Variants in PDGFC observed in about 807,000 individuals in gnomAD.
PDGFC encodes the protein platelet-derived growth factor C.
PDGFC carries 12 observed loss-of-function variants against 35.5 expected under a neutral mutation model. The observed-to-expected ratio is 0.34, with a 90% CI of 0.22 to 0.55. PDGFC has a LOEUF of 0.55. Ranked by LOEUF, PDGFC falls within the 20% of genes least tolerant of loss-of-function variation. The probability of loss-of-function intolerance (pLI) is 0.91; values close to 1 mark genes in which losing one functional copy is unlikely to be tolerated. For missense variants in PDGFC, 322 were observed against 412.4 expected (o/e 0.78, Z 1.90); for synonymous variants, 159 against 148.8 (o/e 1.07, Z -0.50).
At chr4:156,927,178 G>A (rs1731434869) in intron 1 of PDGFC, among the ~76,000 whole-genome samples, 1 of 152,112 alleles carries the variant, frequency 6.6e-6, no homozygotes, top group African/African-American at 2.4e-5. Context: ...TCCCTAGGCT[G>A]CACACAGCAG....
intron 1 of PDGFC, among the ~76,000 whole-genome samples, chr4:156,861,070 A>G (rs1729699184): frequency 6.6e-6 from 1 of 152,174 alleles, no homozygotes; most frequent in Non-Finnish European, 1.5e-5. Flanking sequence ...GGTAATAAAA[A>G]TAATTTGCCA....
In PDGFC at chr4:156,929,481, T is replaced by TA. The variant is rs1275436259; in HGVS notation, c.118+41304dup. Among the ~76,000 whole-genome samples the TA allele has an allele frequency of 5.6e-5, 8 of 143,034 alleles. No homozygotes were observed. In the East Asian group the frequency reaches 1.0e-3, roughly 18 times the overall value. The allele number at this position is 143,034 out of a possible 152,430, so 93.8% of individuals were successfully genotyped here. On this transcript the variant is annotated intron_variant, in intron 1 of 5. Transcript: ENST00000502773. ...CGTAGCAAAAAAAAAAAAAGGCCAATAAAAAAAACAGAACTACTCTCCGTT... is the reference window on the plus strand; with the variant it reads ...CGTAGCAAAAAAAAAAAAAGGCCAATAAAAAAAAACAGAACTACTCTCCGTT...
At chr4:156,800,217 T>C (rs1213242904) in intron 3 of PDGFC, among the ~76,000 whole-genome samples, 1 of 152,158 alleles carries the variant, frequency 6.6e-6, no homozygotes, top group Non-Finnish European at 1.5e-5. Flanking sequence ...TAATCTATGT[T>C]CATTCTCTTT....
At position 156,763,155 on chromosome 4, in the gene PDGFC, T is replaced by A. The variant is rs1271394599; in HGVS notation, c.973A>T (p.Thr325Ser). 6.2e-7 allele frequency: 1 copy of A among 1,613,302 alleles called. No individual in the cohort carries two copies. The highest frequency in any genetic ancestry group is 1.1e-5 in the South Asian group (1 of 91,052). ...TGVRGLHKSL[T>S]DVALEHHEEC... is the part of the protein sequence containing the mutation. The stretch of plus-strand genomic sequence containing the variant: ...TCATGGTGCTCCAGGGCCACGTCGG[T>A]GAGTGATTTGTGCAATCCCCTGACA... The change falls in exon 6 of 6, where the codon ACC (threonine) becomes TCC (serine). Residue 325 changes from threonine (T) to serine (S), a missense_variant. Around this residue, in one of 2 missense-constraint regions of PDGFC, gnomAD observed 202 missense variants for 295.9 expected, o/e 0.68. Coordinates refer to ENST00000502773, the MANE Select transcript of PDGFC (RefSeq NM_016205.3).
At chr4:156,862,579 C>G (rs1729738490) in intron 1 of PDGFC, among the ~76,000 whole-genome samples, 2 of 152,108 alleles carry the variant, frequency 1.3e-5, no homozygotes, top group South Asian at 4.2e-4. Context: ...ACACAACACA[C>G]TTTCAGAGAA....
chr4:156,950,184 T>C (rs1309165496), intron 1 of PDGFC, among the ~76,000 whole-genome samples: 1 of 151,922 alleles, frequency 6.6e-6, no homozygotes, highest in East Asian at 1.9e-4. Flanking sequence ...TCCAGTTATC[T>C]GCCGAAAAGT....
chr4:156,947,429 T>C (rs533366404), intron 1 of PDGFC, among the ~76,000 whole-genome samples: 2 of 152,140 alleles, frequency 1.3e-5, no homozygotes, highest in South Asian at 4.1e-4. Context: ...CAGACAGTAG[T>C]TTTCATTTGA....
chr4:156,847,125 C>T (rs1473587934), intron 2 of PDGFC, among the ~76,000 whole-genome samples: 4 of 151,542 alleles, frequency 2.6e-5, no homozygotes, highest in Non-Finnish European at 5.9e-5. Context: ...TGCATATACC[C>T]TTTAGGAGGT....
intron 1 of PDGFC, among the ~76,000 whole-genome samples, chr4:156,941,857 A>T (rs191105921): frequency 2.2e-3 from 342 of 152,232 alleles, no homozygotes; most frequent in African/African-American, 7.9e-3. Flanking sequence ...CTATTTTGCA[A>T]GAAGAGCCTG....
intron 2 of PDGFC, among the ~76,000 whole-genome samples, chr4:156,833,688 T>C (rs1728997413): frequency 6.6e-6 from 1 of 152,246 alleles, no homozygotes; most frequent in African/African-American, 2.4e-5. Context: ...GTGATAATTT[T>C]ATTCTTATAT....
intron 1 of PDGFC, among the ~76,000 whole-genome samples, chr4:156,901,622 T>TA (rs1730788137): frequency 6.6e-6 from 1 of 151,456 alleles, no homozygotes; most frequent in African/African-American, 2.4e-5. Flanking sequence ...TTATTATTAT[T>TA]TTACTTTTTA....
chr4:156,929,981 A>C (rs968947544), intron 1 of PDGFC, among the ~76,000 whole-genome samples: 2 of 152,242 alleles, frequency 1.3e-5, no homozygotes, highest in Non-Finnish European at 2.9e-5. Context: ...CAGATGTTAC[A>C]ACACCAAATG....
chr4:156,889,635 C>G lies in PDGFC; in HGVS notation c.119-39219G>C, dbSNP rs144242777. 1.9e-3 allele frequency among the ~76,000 whole-genome samples: 295 copies of G among 152,274 alleles called. 1 individual carries two copies. The highest frequency in any genetic ancestry group is 6.8e-3 in the African/African-American group (283 of 41,544). On this transcript the variant is annotated intron_variant, in intron 1 of 5. Coordinates refer to ENST00000502773, the MANE Select transcript of PDGFC (RefSeq NM_016205.3). Reference sequence around the variant, plus strand: ...TGTCATGGGTATTAAGCTCTTAGATCAACAGAACTCCACTCCACACAATTC... The same window carrying G: ...TGTCATGGGTATTAAGCTCTTAGATGAACAGAACTCCACTCCACACAATTC...
At chr4:156,802,405 A>G (rs2110918713) in intron 3 of PDGFC, among the ~76,000 whole-genome samples, 1 of 152,246 alleles carries the variant, frequency 6.6e-6, no homozygotes, top group African/African-American at 2.4e-5. Flanking sequence ...ATAAAGGAAC[A>G]ATAAAAGAAT....
chr4:156,811,430 G>T (rs1289350594), intron 2 of PDGFC, among the ~76,000 whole-genome samples: 1 of 151,894 alleles, frequency 6.6e-6, no homozygotes, highest in Admixed American at 6.6e-5. Flanking sequence ...CCTGGCCAGG[G>T]GCCTTGGCTC....
At chr4:156,931,875 C>T (rs1398685190) in intron 1 of PDGFC, among the ~76,000 whole-genome samples, 1 of 151,630 alleles carries the variant, frequency 6.6e-6, no homozygotes, top group Non-Finnish European at 1.5e-5. Flanking sequence ...GTACTTTTAT[C>T]TTTTTTATTT....
intron 1 of PDGFC, among the ~76,000 whole-genome samples, chr4:156,910,155 TG>T (rs1731006188): frequency 1.3e-5 from 2 of 152,244 alleles, no homozygotes; most frequent in Admixed American, 1.3e-4. Flanking sequence ...CCTCCCTGCT[TG>T]GGGCAGTTTG....
intron 1 of PDGFC, among the ~76,000 whole-genome samples, chr4:156,863,729 C>T (rs191604049): frequency 1.0e-3 from 153 of 152,022 alleles, no homozygotes; most frequent in Admixed American, 3.6e-3. Context: ...TTATAAATAC[C>T]GTTCCCGAAT....
intron 1 of PDGFC, among the ~76,000 whole-genome samples, chr4:156,962,402 C>T (rs1010391513): frequency 2.6e-5 from 4 of 152,086 alleles, no homozygotes; most frequent in African/African-American, 9.7e-5. Flanking sequence ...ACAAAACCAA[C>T]CACTTAGTAA....
Sources: allele counts gnomAD v4.1 joint callset (sites outside exome capture counted in the v4.1 genomes callset), GRCh38; gene constraint gnomAD v4.1.1; regional missense constraint gnomAD v4.1.1; transcripts MANE v1.5; gene names NCBI Gene and HGNC (gene_info 2026-07-23, HGNC 2026-07-21).